Variants in EDAR observed in about 807,000 individuals in gnomAD.
EDAR encodes ectodysplasin A receptor, also known as tumor necrosis factor receptor superfamily member EDAR.
Under a neutral mutation model 51.3 loss-of-function variants are expected in EDAR, and 38 were observed. That is an observed-to-expected ratio of 0.74 (90% CI 0.57 to 0.97). The LOEUF is 0.97. EDAR is among the 50% of genes least tolerant of loss of function. EDAR has a pLI of 0.00. For synonymous variants in EDAR, 227 were observed against 242.1 expected (o/e 0.94, Z 0.58); for missense variants, 528 against 595.0 (o/e 0.89, Z 1.17).
chr2:108,982,918 G>T (rs1231008391), intron 1 of EDAR, among the ~76,000 whole-genome samples: 11 of 152,324 alleles, frequency 7.2e-5, no homozygotes, highest in African/African-American at 2.4e-4. Flanking sequence ...CCTGCTGCAT[G>T]TGCAGGGATG....
chr2:108,923,578 C>A, intron 4 of EDAR, 125 bp from the exon 5 acceptor site: 1 of 789,196 alleles, frequency 1.3e-6, no homozygotes, highest in South Asian at 1.4e-5. Context: ...AGGCCACGCC[C>A]ACTCAGTCAC....
intron 4 of EDAR, among the ~76,000 whole-genome samples, chr2:108,925,977 C>T (rs1424529982): frequency 6.6e-6 from 1 of 152,196 alleles, no homozygotes; most frequent in Admixed American, 6.5e-5. Context: ...TCCTTCCTCA[C>T]CCAGTGAGTG....
At chr2:108,959,017 G>C (rs554954740) in intron 1 of EDAR, among the ~76,000 whole-genome samples, 2 of 152,350 alleles carry the variant, frequency 1.3e-5, no homozygotes, top group Admixed American at 6.5e-5. Context: ...TGGCACCCAT[G>C]AAGAACGGGA....
At position 108,917,017 on chromosome 2, in the gene EDAR, G is replaced by A. The variant is rs114748061; in HGVS notation, c.443-4253C>T. On this transcript the variant is annotated intron_variant, in intron 5 of 11. Coordinates refer to ENST00000258443, the MANE Select transcript of EDAR (RefSeq NM_022336.4). ...TCCTGACAATGGGCCTCTTCCCTGC[G>A]CTCGGAGCTCGGCAATAAGGAATGG... Among the ~76,000 whole-genome samples the A allele has an allele frequency of 3.8e-3, 578 of 152,302 alleles. 4 individuals carry two copies. The highest frequency in any genetic ancestry group is 0.013 in the African/African-American group (529 of 41,564).
At chr2:108,952,076 C>T (rs189456566) in intron 1 of EDAR, among the ~76,000 whole-genome samples, 102 of 152,162 alleles carry the variant, frequency 6.7e-4, no homozygotes, top group Non-Finnish European at 1.2e-3. Flanking sequence ...GTTTGTTTGA[C>T]GGAAGGTCAA....
chr2:108,912,775 AAT>A lies in EDAR; in HGVS notation c.443-13_443-12del, dbSNP rs1257110343. 2 of 1,579,540 alleles carry A rather than the reference AAT, an allele frequency of 1.3e-6. No individual in the cohort carries two copies. The highest frequency in any genetic ancestry group is 2.7e-5 in the African/African-American group (2 of 74,266). On this transcript the variant is annotated splice_polypyrimidine_tract_variant and intron_variant, in intron 5 of 11. Transcript: ENST00000258443. Reference sequence around the variant, plus strand: ...AAGTGGCTCCCACACCTGCAAGGAAAATAGAGTCCCTCAAATGATCCAGAGAA... The same window carrying A: ...AAGTGGCTCCCACACCTGCAAGGAAAAGAGTCCCTCAAATGATCCAGAGAA...
intron 1 of EDAR, among the ~76,000 whole-genome samples, chr2:108,933,698 A>G (rs536637131): frequency 6.6e-6 from 1 of 152,290 alleles, no homozygotes; most frequent in Non-Finnish European, 1.5e-5. Flanking sequence ...GGAGCCAGCC[A>G]CCCCAGTGGT....
intron 5 of EDAR, among the ~76,000 whole-genome samples, chr2:108,915,148 C>T (rs1389645833): frequency 6.6e-6 from 1 of 152,326 alleles, no homozygotes; most frequent in East Asian, 1.9e-4. Flanking sequence ...AAGTGATCCA[C>T]CTGCCTTGGC....
rs121908451 is a variant in EDAR, at chr2:108,929,295, A to G, written c.259T>C (p.Cys87Arg). The change falls in exon 4 of 12, where the codon TGC becomes CGC. Residue 87 changes from cysteine to arginine, a missense_variant. Transcript: ENST00000258443. Reference sequence around the variant, plus strand: ...CCCTCACAGTCTTTGTGACGCCTGCATATCTGGTAGCCTCCTTTGGAAAAC... The same window carrying G: ...CCCTCACAGTCTTTGTGACGCCTGCGTATCTGGTAGCCTCCTTTGGAAAAC... Reference protein sequence around the residue: ...EKFSKGGYQICRRHKDCEGFF... With the variant: ...EKFSKGGYQIRRRHKDCEGFF... 9 of 1,614,050 alleles carry G rather than the reference A, an allele frequency of 5.6e-6. No homozygotes were observed. Among genetic ancestry groups the G allele is most frequent in the Non-Finnish European group, 7.6e-6 (9 of 1,180,036 alleles).
intron 11 of EDAR, among the ~76,000 whole-genome samples, chr2:108,905,510 G>T (rs1342618100): frequency 7.2e-6 from 1 of 138,890 alleles, no homozygotes; most frequent in Non-Finnish European, 1.5e-5. Context: ...ACAGGGGGCT[G>T]CATTTGGCCT....
At chr2:108,969,466 G>A (rs1035075008) in intron 1 of EDAR, among the ~76,000 whole-genome samples, 3 of 152,304 alleles carry the variant, frequency 2.0e-5, no homozygotes, top group East Asian at 3.9e-4. Context: ...CACCATGCCA[G>A]GCCTCCAAAG....
At chr2:108,969,170 T>A (rs1352647175) in intron 1 of EDAR, among the ~76,000 whole-genome samples, 62 of 152,272 alleles carry the variant, frequency 4.1e-4, no homozygotes, top group African/African-American at 1.4e-3. Flanking sequence ...GCTCTATGGC[T>A]GGTCTTGATC....
At chr2:108,956,457 A>T (rs1697927982) in intron 1 of EDAR, among the ~76,000 whole-genome samples, 1 of 152,182 alleles carries the variant, frequency 6.6e-6, no homozygotes, top group Non-Finnish European at 1.5e-5. Flanking sequence ...CTCCACTAGC[A>T]CTGCACCAAG....
At position 108,894,547 on chromosome 2, in the gene EDAR, C is replaced by A. The variant is rs1294600174; in HGVS notation, c.*2360G>T. ...CAGAATTAGACAAAAATAATATTGA[C>A]AATTAAGACTTCACTGTCTAAGGGC... is the stretch of plus-strand genomic sequence containing the variant. On this transcript the variant is annotated 3_prime_UTR_variant, in exon 12 of 12. Coordinates refer to ENST00000258443, the MANE Select transcript of EDAR (RefSeq NM_022336.4). 1 of 152,406 alleles carries A rather than the reference C, an allele frequency of 6.6e-6. No individual in the cohort carries two copies. The highest frequency in any genetic ancestry group is 1.5e-5 in the Non-Finnish European group (1 of 68,012). 9.4% of individuals were successfully genotyped at this position (152,406 alleles called of 1,614,324 possible). A position where few individuals can be genotyped will look rare whatever the true frequency, so the allele number is the denominator to read the frequency against.
In EDAR at chr2:108,923,210, T is replaced by C. The variant is rs115213564; in HGVS notation, c.442+158A>G. Among the ~76,000 whole-genome samples, 720 of 152,340 alleles carry C rather than the reference T, an allele frequency of 4.7e-3. 7 individuals are homozygous for C. Among genetic ancestry groups the C allele is most frequent in the South Asian group, 0.023 (113 of 4,822 alleles). On this transcript the variant is annotated intron_variant, in intron 5 of 11. Coordinates refer to ENST00000258443, the MANE Select transcript of EDAR (RefSeq NM_022336.4). ...GATGTGGCAAACATCCCTCCCTTCA[T>C]AGACCTGCCTGGACAGGCCACAGGA...
intron 1 of EDAR, among the ~76,000 whole-genome samples, chr2:108,964,136 G>A (rs1698105844): frequency 6.6e-6 from 1 of 152,176 alleles, no homozygotes; most frequent in South Asian, 2.1e-4. Context: ...ACCCCACTGG[G>A]CAGCACAGAA....
At chr2:108,929,142 C>T in intron 4 of EDAR, 56 bp downstream of exon 4, 1 of 1,605,292 alleles carries the variant, frequency 6.2e-7, no homozygotes, top group African/African-American at 1.3e-5. Context: ...GCCCGTAGCC[C>T]CTCGGGGTTT....
At position 108,906,522 on chromosome 2, in the gene EDAR, G is replaced by A. The variant is rs569236401; in HGVS notation, c.964-154C>T. ...GTCAGCAGCCCAGCCCTGACACACA[G>A]GGAGGAGGGCCTTCTTCAGGTTTTC... On this transcript the variant is annotated intron_variant, in intron 10 of 11. Coordinates refer to ENST00000258443, the MANE Select transcript of EDAR (RefSeq NM_022336.4). Among the ~76,000 whole-genome samples, 8 of 152,328 alleles carry A rather than the reference G, an allele frequency of 5.3e-5. No individual in the cohort carries two copies. The East Asian group carries it at 1.2e-3, about 22-fold the overall frequency.
chr2:108,916,715 G>A (rs1697035255), intron 5 of EDAR, among the ~76,000 whole-genome samples: 1 of 152,130 alleles, frequency 6.6e-6, no homozygotes, highest in Non-Finnish European at 1.5e-5. Context: ...GAGGAGGTGG[G>A]GGCAAGATGG....
Sources: allele counts gnomAD v4.1 joint callset (sites outside exome capture counted in the v4.1 genomes callset), GRCh38; gene constraint gnomAD v4.1.1; transcripts MANE v1.5; gene names NCBI Gene and HGNC (gene_info 2026-07-23, HGNC 2026-07-21).